Variants in STRBP observed in about 807,000 individuals in gnomAD.
STRBP encodes spermatid perinuclear RNA-binding protein.
A neutral mutation model predicts 80.1 loss-of-function variants in STRBP; 13 were observed. That is an observed-to-expected ratio of 0.16 (90% confidence interval 0.11 to 0.26). STRBP has a LOEUF of 0.26. Ranked by LOEUF, STRBP falls within the 10% of genes least tolerant of loss-of-function variation. The pLI is 1.00. For missense variants in STRBP, 485 were observed against 815.2 expected (o/e 0.59, Z 4.93); for synonymous variants, 284 against 291.2 (o/e 0.98, Z 0.25).
chr9:123,156,590 C>A (rs546474621), intron 11 of STRBP, among the ~76,000 whole-genome samples: 1 of 151,508 alleles, frequency 6.6e-6, no homozygotes, highest in Non-Finnish European at 1.5e-5. Flanking sequence ...ATAAAACATT[C>A]CATTAGCCAT....
At chr9:123,263,366 A>C (rs2041197830) in intron 1 of STRBP, among the ~76,000 whole-genome samples, 1 of 152,024 alleles carries the variant, frequency 6.6e-6, no homozygotes, top group Admixed American at 6.6e-5. Context: ...CTCTACTAAA[A>C]GTAAAAAAAA....
chr9:123,213,015 C>G (rs1183740950), intron 2 of STRBP, among the ~76,000 whole-genome samples: 1 of 152,184 alleles, frequency 6.6e-6, no homozygotes, highest in African/African-American at 2.4e-5. Context: ...GAGACCAGGG[C>G]TATAGTGTTG....
intron 2 of STRBP, among the ~76,000 whole-genome samples, chr9:123,204,840 T>A (rs2039455583): frequency 7.1e-6 from 1 of 140,532 alleles, no homozygotes; most frequent in African/African-American, 2.8e-5. Context: ...AGGAAAATGA[T>A]GTGAACCCGG....
intron 2 of STRBP, among the ~76,000 whole-genome samples, chr9:123,216,391 T>C (rs1027821847): frequency 2.0e-5 from 3 of 152,332 alleles, no homozygotes; most frequent in South Asian, 2.1e-4. Flanking sequence ...GAATAAATGA[T>C]TGATGACTCA....
At chr9:123,250,927 G>A (rs1340392961) in intron 1 of STRBP, among the ~76,000 whole-genome samples, 1 of 152,098 alleles carries the variant, frequency 6.6e-6, no homozygotes, top group Admixed American at 6.6e-5. Flanking sequence ...AGACCAGGGT[G>A]ACAAAACGAG....
intron 6 of STRBP, among the ~76,000 whole-genome samples, chr9:123,165,976 C>T (rs1384294837): frequency 6.6e-6 from 1 of 152,194 alleles, no homozygotes; most frequent in Non-Finnish European, 1.5e-5. Context: ...ACTTCTTACA[C>T]ACTGGAGAGT....
chr9:123,204,124 T>C (rs2039428666), intron 2 of STRBP, among the ~76,000 whole-genome samples: 2 of 152,346 alleles, frequency 1.3e-5, no homozygotes, highest in South Asian at 4.1e-4. Context: ...CCTAAAACAA[T>C]GTCTGGCACA....
intron 2 of STRBP, among the ~76,000 whole-genome samples, chr9:123,236,008 C>T (rs1411487707): frequency 6.6e-6 from 1 of 152,140 alleles, no homozygotes; most frequent in African/African-American, 2.4e-5. Flanking sequence ...AATCAGATTA[C>T]CACAAACTCT....
intron 1 of STRBP, among the ~76,000 whole-genome samples, chr9:123,257,419 CACACACACACACACACACAG>C (rs2041057147): frequency 6.9e-6 from 1 of 145,240 alleles, no homozygotes; most frequent in South Asian, 2.1e-4. Context: ...AACACACAAA[CACACACACACACACACACAG>C]ACACACACAC....
chr9:123,139,037 G>C (rs998181866), intron 14 of STRBP, among the ~76,000 whole-genome samples: 1 of 152,172 alleles, frequency 6.6e-6, no homozygotes, highest in Admixed American at 6.5e-5. Flanking sequence ...GACTTAATTA[G>C]GGTCTGAGAT....
intron 5 of STRBP, among the ~76,000 whole-genome samples, chr9:123,172,081 T>C (rs2038036406): frequency 6.6e-6 from 1 of 152,204 alleles, no homozygotes; most frequent in African/African-American, 2.4e-5. Context: ...AGGAGAGATG[T>C]GATAGATTTT....
intron 2 of STRBP, among the ~76,000 whole-genome samples, chr9:123,211,624 C>T (rs972664470): frequency 3.3e-5 from 5 of 152,086 alleles, no homozygotes; most frequent in Non-Finnish European, 7.4e-5. Context: ...GCTTCTCAGC[C>T]TATATTAAAT....
intron 11 of STRBP, among the ~76,000 whole-genome samples, chr9:123,153,874 G>A (rs895394997): frequency 6.6e-6 from 1 of 152,140 alleles, no homozygotes; most frequent in East Asian, 1.9e-4. Flanking sequence ...AGGGTCTGAG[G>A]ACTGAACCCT....
intron 16 of STRBP, chr9:123,135,814 T>C (rs1345702745): frequency 1.0e-5 from 4 of 390,356 alleles, no homozygotes; most frequent in African/African-American, 8.1e-5. Context: ...TATATACATA[T>C]AAATATAAAT....
chr9:123,113,645 G>A (rs1030582024), intron 3 of STRBP: 1 of 167,230 alleles, frequency 6.0e-6, no homozygotes, highest in Non-Finnish European at 1.5e-5. Flanking sequence ...CTCACACGGA[G>A]GAGATGCTCA....
chr9:123,227,567 C>CTTTTTTTTTTTTTT (rs113678606), intron 2 of STRBP, among the ~76,000 whole-genome samples: 58 of 113,404 alleles, frequency 5.1e-4, no homozygotes, highest in Non-Finnish European at 5.6e-4. Context: ...TTTTTTTTTT[C>CTTTTTTTTTTTTTT]TTTTTTTTTT....
chr9:123,194,500 G>C (rs919453411), intron 2 of STRBP, among the ~76,000 whole-genome samples: 1 of 152,046 alleles, frequency 6.6e-6, no homozygotes, highest in African/African-American at 2.4e-5. Context: ...AAAATAAAAA[G>C]GGAAAAAACA....
At chr9:123,135,921 C>T (rs1449167181) in intron 16 of STRBP, 120 bp downstream of exon 16, 2 of 1,346,876 alleles carry the variant, frequency 1.5e-6, no homozygotes, top group Non-Finnish European at 2.0e-6. Context: ...GCAAAGGTCA[C>T]CAAGTCCAAG....
intron 2 of STRBP, among the ~76,000 whole-genome samples, chr9:123,235,508 GAAA>G (rs200275946): frequency 1.7e-4 from 13 of 77,006 alleles, no homozygotes; most frequent in African/African-American, 4.5e-4. Context: ...GCAACTTCAG[GAAA>G]AAAAAAAAAA....
Sources: allele counts gnomAD v4.1 joint callset (sites outside exome capture counted in the v4.1 genomes callset), GRCh38; gene constraint gnomAD v4.1.1; transcripts MANE v1.5; gene names NCBI Gene and HGNC (gene_info 2026-07-23, HGNC 2026-07-21).